BASP1: variants seen among roughly 807,000 people sequenced by gnomAD.
BASP1 encodes brain acid soluble protein 1.
A neutral mutation model predicts 2.2 loss-of-function variants in BASP1; 1 was observed. The ratio of observed to expected loss-of-function variants is 0.46; its 90% CI spans 0.16 to 2.17. The LOEUF (loss-of-function observed/expected upper bound fraction) is 2.17. Ranked by LOEUF, BASP1 falls within the 30% of genes most tolerant of loss-of-function variation. The pLI, the probability that BASP1 is intolerant of heterozygous loss-of-function variation, is 0.27. For missense variants in BASP1, 352 were observed against 327.2 expected, an observed-to-expected ratio of 1.08 and a Z score of -0.58; for synonymous variants, 187 against 154.2, an observed-to-expected ratio of 1.21 and a Z score of -1.58.
intron 1 of BASP1, among the ~76,000 whole-genome samples, chr5:17,264,728 A>T (rs1481556612): frequency 2.6e-5 from 4 of 152,290 alleles, no homozygotes; most frequent in Non-Finnish European, 5.9e-5. Context: ...TTGCATATTT[A>T]TGTTGGGTTT....
intron 1 of BASP1, among the ~76,000 whole-genome samples, chr5:17,218,350 CT>C (rs1389150544): frequency 6.6e-6 from 1 of 152,094 alleles, no homozygotes; most frequent in Admixed American, 6.5e-5. Flanking sequence ...AAGTGGGTGG[CT>C]TTTTGCTTTG....
chr5:17,238,498 T>C (rs1447167196), intron 1 of BASP1, among the ~76,000 whole-genome samples: 1 of 152,184 alleles, frequency 6.6e-6, no homozygotes, highest in Non-Finnish European at 1.5e-5. Context: ...TTTAGTATTG[T>C]GTGTCTAGCA....
intron 1 of BASP1, among the ~76,000 whole-genome samples, chr5:17,271,808 TGTAATCCCAGCATTTCGGGAG>T (rs1388234389): frequency 6.6e-6 from 1 of 152,172 alleles, no homozygotes; most frequent in Non-Finnish European, 1.5e-5. Context: ...GGCTCACGCC[TGTAATCCCAGCATTTCGGGAG>T]GCCGAAGTGG....
chr5:17,264,407 T>G (rs1740376108), intron 1 of BASP1, among the ~76,000 whole-genome samples: 2 of 152,240 alleles, frequency 1.3e-5, no homozygotes, highest in East Asian at 3.8e-4. Context: ...TAGATGCAAC[T>G]CAGTTGTAAC....
At chr5:17,233,323 AT>A (rs1739672216) in intron 1 of BASP1, among the ~76,000 whole-genome samples, 1 of 152,292 alleles carries the variant, frequency 6.6e-6, no homozygotes, top group African/African-American at 2.4e-5. Flanking sequence ...AGATTGTCTC[AT>A]TTTAAATGAA....
chr5:17,266,965 T>C (rs894420522), intron 1 of BASP1, among the ~76,000 whole-genome samples: 2 of 152,226 alleles, frequency 1.3e-5, no homozygotes, highest in Non-Finnish European at 2.9e-5. Context: ...TGTATTGCGC[T>C]GGAAATTTGG....
intron 1 of BASP1, among the ~76,000 whole-genome samples, chr5:17,264,649 C>T (rs1282313093): frequency 5.3e-5 from 8 of 152,142 alleles, no homozygotes; most frequent in Non-Finnish European, 8.8e-5. Flanking sequence ...GAGATGACTT[C>T]TTGTCTTGAT....
At chr5:17,250,691 A>G (rs1579493438) in intron 1 of BASP1, among the ~76,000 whole-genome samples, 1 of 151,720 alleles carries the variant, frequency 6.6e-6, no homozygotes, top group Non-Finnish European at 1.5e-5. Flanking sequence ...TGTAAGCTCC[A>G]CCTCCCGGGT....
At chr5:17,250,629 G>A (rs1047461475) in intron 1 of BASP1, among the ~76,000 whole-genome samples, 9 of 152,240 alleles carry the variant, frequency 5.9e-5, no homozygotes, top group Admixed American at 5.2e-4. Flanking sequence ...TTTTGAGACG[G>A]AGTCTCGCTT....
intron 1 of BASP1, among the ~76,000 whole-genome samples, chr5:17,252,932 A>G (rs535808320): frequency 1.3e-5 from 2 of 152,324 alleles, no homozygotes; most frequent in Admixed American, 6.5e-5. Flanking sequence ...TTTCTGTTGC[A>G]GCTCCTCAAC....
chr5:17,256,899 C>G (rs1297760140), intron 1 of BASP1, among the ~76,000 whole-genome samples: 2 of 152,124 alleles, frequency 1.3e-5, no homozygotes, highest in Non-Finnish European at 2.9e-5. Flanking sequence ...AAAAATATTT[C>G]TAGGGAAAAG....
chr5:17,230,876 T>TA (rs1254452516), intron 1 of BASP1, among the ~76,000 whole-genome samples: 2 of 152,166 alleles, frequency 1.3e-5, no homozygotes, highest in African/African-American at 4.8e-5. Context: ...AGGGTCTTTT[T>TA]AAAACAGTTT....
intron 1 of BASP1, among the ~76,000 whole-genome samples, chr5:17,245,907 A>T (rs1739976196): frequency 6.6e-6 from 1 of 152,156 alleles, no homozygotes; most frequent in Non-Finnish European, 1.5e-5. Context: ...TGGAGTCAAA[A>T]TGTAAAACTA....
At chr5:17,217,911 A>C (rs931491998) in intron 1 of BASP1, 101 bp downstream of exon 1, 1 of 151,846 alleles carries the variant, frequency 6.6e-6, no homozygotes, top group Non-Finnish European at 1.5e-5. Flanking sequence ...CTCTCCCTTC[A>C]TGCAGCGGGC....
intron 1 of BASP1, among the ~76,000 whole-genome samples, chr5:17,228,038 T>A (rs764605569): frequency 1.1e-4 from 16 of 152,358 alleles, no homozygotes; most frequent in Non-Finnish European, 1.9e-4. Context: ...TTCCCAGGTA[T>A]GTGTTTCTTT....
intron 1 of BASP1, 108 bp downstream of exon 1, chr5:17,217,918 G>A (rs1739296087): frequency 6.6e-6 from 1 of 152,058 alleles, no homozygotes; most frequent in African/African-American, 2.4e-5. Flanking sequence ...TTCATGCAGC[G>A]GGCAGCAGGG....
At chr5:17,249,600 T>A (rs1488579514) in intron 1 of BASP1, among the ~76,000 whole-genome samples, 2 of 152,212 alleles carry the variant, frequency 1.3e-5, no homozygotes, top group African/African-American at 4.8e-5. Flanking sequence ...CCCTTTGAGT[T>A]TGAGATCTCA....
intron 1 of BASP1, among the ~76,000 whole-genome samples, chr5:17,218,508 G>T (rs2126483166): frequency 6.6e-6 from 1 of 152,250 alleles, no homozygotes; most frequent in African/African-American, 2.4e-5. Context: ...GCCTTCCTAC[G>T]AACCCGTGGG....
In BASP1 at chr5:17,262,932, C is replaced by T. The variant is rs982459258; in HGVS notation, c.-9-12276C>T. ...CACGATCTCGGCTCACTGCAAGCTC[C>T]GCCTCCCTGGTTCATGCCATTCTCC... On this transcript the variant is annotated intron_variant, in intron 1 of 1. Transcript: ENST00000322611. Among the ~76,000 whole-genome samples the T allele has an allele frequency of 1.1e-4, 16 of 152,018 alleles. No individual in the cohort carries two copies. In the South Asian group the frequency reaches 2.3e-3, roughly 22 times the overall value.
Sources: allele counts gnomAD v4.1 joint callset (sites outside exome capture counted in the v4.1 genomes callset), GRCh38; gene constraint gnomAD v4.1.1; transcripts MANE v1.5; gene names NCBI Gene and HGNC (gene_info 2026-07-23, HGNC 2026-07-21).